ATP9B: variants seen among roughly 807,000 people sequenced by gnomAD.
ATP9B encodes the protein probable phospholipid-transporting ATPase IIB.
Under a neutral mutation model 146.1 loss-of-function variants are expected in ATP9B, and 110 were observed. That is an observed-to-expected ratio of 0.75 (90% CI 0.65 to 0.88). The LOEUF (loss-of-function observed/expected upper bound fraction) is 0.88, where lower values mean the gene tolerates loss of function less well. Among genes scored for constraint, ATP9B ranks in the 40% least tolerant of loss-of-function variants. ATP9B has a pLI of 0.00. For synonymous variants in ATP9B, 604 were observed against 569.7 expected (o/e 1.06, Z -0.86); for missense variants, 1,499 against 1,496.4 (o/e 1.00, Z -0.03).
chr18:79,111,678 AG>A (rs2076012636), intron 3 of ATP9B, among the ~76,000 whole-genome samples: 1 of 152,178 alleles, frequency 6.6e-6, no homozygotes, highest in African/African-American at 2.4e-5. Context: ...TAGACTGTAG[AG>A]TATTGATTGC....
At chr18:79,230,834 A>G (rs1283784064) in intron 11 of ATP9B, among the ~76,000 whole-genome samples, 1 of 152,220 alleles carries the variant, frequency 6.6e-6, no homozygotes, top group Non-Finnish European at 1.5e-5. Flanking sequence ...CCAATGGAAC[A>G]GAATAGAGAA....
chr18:79,205,414 G>A (rs1034872525), intron 9 of ATP9B, among the ~76,000 whole-genome samples: 1 of 74,484 alleles, frequency 1.3e-5, no homozygotes, highest in Non-Finnish European at 2.7e-5. Flanking sequence ...TTACATAAAC[G>A]TATTTTGTAC....
rs542312931 is a variant in ATP9B at position 79,375,198 on chromosome 18, T to C, written c.3275-196T>C. On this transcript the variant is annotated intron_variant, in intron 28 of 29. Transcript: ENST00000426216. ...TCTCAGACACAGGAGCCTTTAGCTA[T>C]TGGGTTTCAGTGATGTTTAAACAGT... 2.6e-5 allele frequency among the ~76,000 whole-genome samples: 4 copies of C among 152,356 alleles called. No homozygotes were observed. In the South Asian group the frequency reaches 6.2e-4, roughly 24 times the overall value.
intron 1 of ATP9B, among the ~76,000 whole-genome samples, chr18:79,093,229 G>A (rs2074496572): frequency 6.6e-6 from 1 of 152,122 alleles, no homozygotes; most frequent in Admixed American, 6.6e-5. Context: ...ATCTTTTAAA[G>A]TAAGGTTGAC....
rs538588147 is a variant in ATP9B at position 79,231,327 on chromosome 18, G to A, written c.1107+17289G>A. On this transcript the variant is annotated intron_variant, in intron 11 of 29. Transcript: ENST00000426216. ...AAAACAAACAGTCCCATGAAAAAGTGGGCTAAGGACATGAATGGACAATTC... is the reference window on the plus strand; with the variant it reads ...AAAACAAACAGTCCCATGAAAAAGTAGGCTAAGGACATGAATGGACAATTC... Among the ~76,000 whole-genome samples the A allele has an allele frequency of 2.0e-5, 3 of 152,166 alleles. No individual in the cohort carries two copies. In the East Asian group the frequency reaches 5.8e-4, roughly 29 times the overall value.
chr18:79,108,174 C>T (rs1471228697), intron 2 of ATP9B, among the ~76,000 whole-genome samples: 1 of 152,142 alleles, frequency 6.6e-6, no homozygotes, highest in Non-Finnish European at 1.5e-5. Flanking sequence ...TCGCAGTCTG[C>T]ATGGCACCAC....
At chr18:79,356,662 C>G (rs2096955281) in intron 25 of ATP9B, among the ~76,000 whole-genome samples, 1 of 152,050 alleles carries the variant, frequency 6.6e-6, no homozygotes, top group Admixed American at 6.6e-5. Context: ...ATTTGCATAG[C>G]ATTCCATTTG....
chr18:79,245,662 C>T (rs2095942366), intron 11 of ATP9B, among the ~76,000 whole-genome samples: 1 of 150,482 alleles, frequency 6.6e-6, no homozygotes, highest in South Asian at 2.1e-4. Flanking sequence ...GAGGGTACCG[C>T]CCTAGTGACT....
At chr18:79,375,137 G>A (rs879718139) in intron 28 of ATP9B, among the ~76,000 whole-genome samples, 1 of 152,234 alleles carries the variant, frequency 6.6e-6, no homozygotes, top group Non-Finnish European at 1.5e-5. Context: ...ACCTGGATAG[G>A]TCTCTGTCTC....
intron 11 of ATP9B, among the ~76,000 whole-genome samples, chr18:79,237,687 TTTG>T (rs2095854431): frequency 8.1e-6 from 1 of 123,434 alleles, no homozygotes; most frequent in East Asian, 2.1e-4. Context: ...CTTTTTTTTT[TTTG>T]GGGGGGGGTG....
At chr18:79,286,836 T>G (rs1281106304) in intron 13 of ATP9B, among the ~76,000 whole-genome samples, 3 of 152,354 alleles carry the variant, frequency 2.0e-5, no homozygotes, top group South Asian at 2.1e-4. Flanking sequence ...GAAGGGTTGT[T>G]GAATTTTATC....
intron 13 of ATP9B, among the ~76,000 whole-genome samples, chr18:79,279,400 A>G (rs1466488923): frequency 1.3e-5 from 2 of 152,242 alleles, no homozygotes; most frequent in African/African-American, 2.4e-5. Context: ...CTTAGTCTTC[A>G]TTGATAAATA....
intron 26 of ATP9B, chr18:79,359,745 A>G (rs1455437488): frequency 1.1e-5 from 4 of 351,194 alleles, no homozygotes; most frequent in Non-Finnish European, 2.2e-5. Context: ...TATTCTAACC[A>G]TTTGTGGAAC....
rs537344578 is a variant in ATP9B at position 79,209,679 on chromosome 18, A to G, written c.1030+2667A>G. ...TCAGTGTTGTGTCTTCCTAGTGGGCATGAAGACGGCTTTAAAACCATCCAC... is the reference window on the plus strand; with the variant it reads ...TCAGTGTTGTGTCTTCCTAGTGGGCGTGAAGACGGCTTTAAAACCATCCAC... On this transcript the variant is annotated intron_variant, in intron 10 of 29. Transcript: ENST00000426216. 20 of 985,378 alleles carry G rather than the reference A, an allele frequency of 2.0e-5. No homozygotes were observed. The African/African-American group carries it at 3.1e-4, about 15-fold the overall frequency. 61.0% of individuals were successfully genotyped at this position (985,378 alleles called of 1,614,324 possible).
chr18:79,254,656 A>T (rs957408141), intron 12 of ATP9B: 2 of 152,318 alleles, frequency 1.3e-5, no homozygotes, highest in East Asian at 3.8e-4. Context: ...GACTGCAGAG[A>T]TGGCTGTTCC....
At chr18:79,227,206 A>G (rs1480615385) in intron 11 of ATP9B, among the ~76,000 whole-genome samples, 1 of 151,972 alleles carries the variant, frequency 6.6e-6, no homozygotes, top group Non-Finnish European at 1.5e-5. Context: ...TTCCACAGAC[A>G]GATGTTCCAG....
intron 14 of ATP9B, 91 bp from the exon 15 acceptor site, chr18:79,306,895 C>A: frequency 7.0e-7 from 1 of 1,422,626 alleles, no homozygotes; most frequent in Non-Finnish European, 9.5e-7. Flanking sequence ...AGCTACTTTG[C>A]TTGTAAAAAT....
At chr18:79,342,508 A>G in intron 20 of ATP9B, 142 bp downstream of exon 20, 3 of 499,600 alleles carry the variant, frequency 6.0e-6, no homozygotes, top group South Asian at 2.7e-5. Flanking sequence ...AATTTATAAC[A>G]GCACACCAGC....
At chr18:79,346,838 C>G (rs2096891690) in intron 23 of ATP9B, among the ~76,000 whole-genome samples, 1 of 152,280 alleles carries the variant, frequency 6.6e-6, no homozygotes, top group African/African-American at 2.4e-5. Context: ...ACAGTCAGCA[C>G]AGCCTGAAGA....
Sources: allele counts gnomAD v4.1 joint callset (sites outside exome capture counted in the v4.1 genomes callset), GRCh38; gene constraint gnomAD v4.1.1; transcripts MANE v1.5; gene names NCBI Gene and HGNC (gene_info 2026-07-23, HGNC 2026-07-21).